Variants in POLA1 observed in about 807,000 individuals in gnomAD.
The protein encoded by POLA1 is DNA polymerase alpha catalytic subunit.
Under a neutral mutation model 124.0 loss-of-function variants are expected in POLA1, and 15 were observed. The observed-to-expected ratio is 0.12, with a 90% confidence interval of 0.08 to 0.19. POLA1 has a LOEUF of 0.19. Ranked by LOEUF, POLA1 falls within the 10% of genes least tolerant of loss-of-function variation. The probability of loss-of-function intolerance (pLI) is 1.00; values close to 1 mark genes in which losing one functional copy is unlikely to be tolerated. For missense variants in POLA1, 886 were observed against 1,103.4 expected, an observed-to-expected ratio of 0.80 and a Z score of 2.79; for synonymous variants, 408 against 389.4, an observed-to-expected ratio of 1.05 and a Z score of -0.56.
At chrX:24,745,289 G>T in intron 23 of POLA1, 129 bp from the exon 24 acceptor site, 3 of 344,763 alleles carry the variant, frequency 8.7e-6, no homozygotes, top group Non-Finnish European at 1.5e-5. Context: ...CTTTTTGTCT[G>T]TTTCACAGCT....
intron 34 of POLA1, among the ~76,000 whole-genome samples, chrX:24,870,227 G>A (rs1471132966): frequency 8.9e-6 from 1 of 111,819 alleles, no homozygotes; most frequent in Non-Finnish European, 1.9e-5. Flanking sequence ...CAATAGAGTA[G>A]AGAGTCTTCA....
chrX:24,734,432 G>C (rs934978530), intron 17 of POLA1: 3 of 111,701 alleles, frequency 2.7e-5, no homozygotes, highest in Admixed American at 9.5e-5. Context: ...TACGTTTTTA[G>C]GTTTGTTTTG....
chrX:24,884,671 TAA>T (rs1037067184), intron 34 of POLA1, among the ~76,000 whole-genome samples: 1 of 112,209 alleles, frequency 8.9e-6, no homozygotes, highest in African/African-American at 3.2e-5. Flanking sequence ...ACAAGAAGCA[TAA>T]AGAGTTACAG....
chrX:24,737,411 A>G (rs1025727240), intron 18 of POLA1, among the ~76,000 whole-genome samples: 1 of 111,943 alleles, frequency 8.9e-6, no homozygotes, highest in Non-Finnish European at 1.9e-5. Flanking sequence ...TTATTCCAGC[A>G]ATCTGCTTAG....
intron 26 of POLA1, chrX:24,775,291 A>C (rs925488653): frequency 2.7e-5 from 3 of 111,927 alleles, no homozygotes; most frequent in African/African-American, 9.8e-5. Flanking sequence ...CTTGTGGTAC[A>C]GAAGCACTAA....
At chrX:24,940,876 A>G (rs967818670) in intron 36 of POLA1, among the ~76,000 whole-genome samples, 1 of 112,226 alleles carries the variant, frequency 8.9e-6, no homozygotes, top group Non-Finnish European at 1.9e-5. Context: ...TGAAAATGCC[A>G]GTCCCATTTG....
chrX:24,843,654 C>T lies in POLA1; in HGVS notation c.4024C>T (p.Arg1342Cys), dbSNP rs747326641. ...LSNKLIMDIR[R>C]FIKKYYDGWL... ...CAACAAATTGATCATGGACATTAGACGTTTCATTAAAAAGTACTATGATGT... is the reference window on the plus strand; with the variant it reads ...CAACAAATTGATCATGGACATTAGATGTTTCATTAAAAAGTACTATGATGT... The change falls in exon 34 of 37, where the codon CGT becomes TGT. Residue 1342 changes from arginine to cysteine, a missense_variant. By Grantham distance (180) the Arg-to-Cys change is radical. Coordinates refer to ENST00000379068, the MANE Select transcript of POLA1 (RefSeq NM_001330360.2). 2.6e-6 allele frequency: 3 copies of T among 1,173,363 alleles called. No individual in the cohort carries two copies. The highest frequency in any genetic ancestry group is 3.0e-5 in the East Asian group (1 of 32,910).
At position 24,989,018 on chromosome X, in the gene POLA1, A is replaced by G. The variant is rs1214330843; in HGVS notation, c.4262-6787A>G. Reference sequence around the variant, plus strand: ...TATGTGAGCAATAAAGATGTTGTGTATGCTTCTTGGATATTGTTGCTGACT... The same window carrying G: ...TATGTGAGCAATAAAGATGTTGTGTGTGCTTCTTGGATATTGTTGCTGACT... On this transcript the variant is annotated intron_variant, in intron 36 of 36. Transcript: ENST00000379068. 7.1e-5 allele frequency among the ~76,000 whole-genome samples: 8 copies of G among 112,054 alleles called. No individual in the cohort carries two copies. The East Asian group carries it at 1.4e-3, about 20-fold the overall frequency.
At chrX:24,845,232 A>G (rs1041854524) in intron 34 of POLA1, among the ~76,000 whole-genome samples, 2 of 111,301 alleles carry the variant, frequency 1.8e-5, no homozygotes, top group Non-Finnish European at 3.8e-5. Context: ...TTTCTAGAGC[A>G]TTTGCTTTAA....
intron 36 of POLA1, among the ~76,000 whole-genome samples, chrX:24,965,443 A>C (rs1186697971): frequency 8.9e-6 from 1 of 112,153 alleles, no homozygotes; most frequent in Non-Finnish European, 1.9e-5. Context: ...GTTTCTTCTT[A>C]TGCATCTCTC....
At chrX:24,774,262 T>G (rs1291975793) in intron 26 of POLA1, among the ~76,000 whole-genome samples, 1 of 111,512 alleles carries the variant, frequency 9.0e-6, no homozygotes, top group East Asian at 2.8e-4. Flanking sequence ...AGTGGCCCAT[T>G]CCTCAGCTTG....
Position 24,716,479 on chromosome X carries a change from A to G in POLA1, c.618+25A>G, listed in dbSNP as rs56348443. On this transcript the variant is annotated intron_variant, in intron 7 of 36. Coordinates refer to ENST00000379068, the MANE Select transcript of POLA1 (RefSeq NM_001330360.2). ...GGTAAAGTGTGTAGAGATACCTTCA[A>G]TCTTGATTTATAGTATTGCTTTAAA... The G allele has an allele frequency of 2.0e-4, 162 of 820,546 alleles. No homozygotes were observed. The African/African-American group carries it at 2.8e-3, about 14-fold the overall frequency. The allele number at this position is 820,546 out of a possible 1,213,427, so 67.6% of individuals were successfully genotyped here.
chrX:24,836,580 C>G (rs893913416), intron 32 of POLA1, among the ~76,000 whole-genome samples: 17 of 111,726 alleles, frequency 1.5e-4, no homozygotes, highest in Non-Finnish European at 3.0e-4. Flanking sequence ...ATTTGTATTT[C>G]TTTGATGACT....
chrX:24,951,430 A>T (rs182766349), intron 36 of POLA1, among the ~76,000 whole-genome samples: 24 of 98,880 alleles, frequency 2.4e-4, no homozygotes, highest in African/African-American at 8.5e-4. Context: ...TCTAGCACAC[A>T]GGCAACTCTG....
chrX:24,951,382 T>C (rs1417711361), intron 36 of POLA1, among the ~76,000 whole-genome samples: 1 of 93,050 alleles, frequency 1.1e-5, no homozygotes, highest in Non-Finnish European at 2.1e-5. Context: ...GAGGATATTT[T>C]ATTATAAATA....
At chrX:24,749,198 C>T (rs1346260871) in intron 26 of POLA1, among the ~76,000 whole-genome samples, 2 of 109,892 alleles carry the variant, frequency 1.8e-5, no homozygotes, top group African/African-American at 6.7e-5. Flanking sequence ...TGAACATCTA[C>T]TGCATGCCAG....
intron 34 of POLA1, among the ~76,000 whole-genome samples, chrX:24,850,129 T>G (rs1282687599): frequency 8.9e-6 from 1 of 112,016 alleles, no homozygotes; most frequent in Non-Finnish European, 1.9e-5. Flanking sequence ...ATGTTTTTAT[T>G]CATGAATGGC....
chrX:24,902,026 G>A (rs1197346851), intron 35 of POLA1, among the ~76,000 whole-genome samples: 7 of 109,750 alleles, frequency 6.4e-5, no homozygotes, highest in African/African-American at 1.7e-4. Context: ...ACACACACAC[G>A]CACACCCCTG....
intron 34 of POLA1, among the ~76,000 whole-genome samples, chrX:24,853,777 T>TA (rs2046600566): frequency 1.8e-5 from 2 of 111,917 alleles, no homozygotes; most frequent in Middle Eastern, 9.3e-3. Flanking sequence ...ATCTATCCGT[T>TA]ATTCTTTCAA....
Sources: allele counts gnomAD v4.1 joint callset (sites outside exome capture counted in the v4.1 genomes callset), GRCh38; gene constraint gnomAD v4.1.1; transcripts MANE v1.5; gene names NCBI Gene and HGNC (gene_info 2026-07-23, HGNC 2026-07-21).